Variants in PEBP4 observed in about 807,000 individuals in gnomAD.
The protein encoded by PEBP4 is phosphatidylethanolamine binding protein 4, also known as phosphatidylethanolamine-binding protein 4.
A neutral mutation model predicts 23.9 loss-of-function variants in PEBP4; 22 were observed. The ratio of observed to expected loss-of-function variants is 0.92; its 90% CI spans 0.66 to 1.31. The LOEUF (loss-of-function observed/expected upper bound fraction) is 1.31. Among genes scored for constraint, PEBP4 ranks in the 40% most tolerant of loss-of-function variants. The pLI, the probability that PEBP4 is intolerant of heterozygous loss-of-function variation, is 0.00. For missense variants in PEBP4, 324 were observed against 281.7 expected (o/e 1.15, Z -1.07); for synonymous variants, 112 against 99.3 (o/e 1.13, Z -0.76).
At chr8:22,825,246 T>G (rs1806943610) in intron 3 of PEBP4, among the ~76,000 whole-genome samples, 1 of 152,212 alleles carries the variant, frequency 6.6e-6, no homozygotes, top group Non-Finnish European at 1.5e-5. Context: ...CTCCTTGAAG[T>G]TGGGCCCACC....
intron 6 of PEBP4, among the ~76,000 whole-genome samples, chr8:22,721,970 C>T (rs545088200): frequency 3.9e-4 from 59 of 152,306 alleles, no homozygotes; most frequent in Non-Finnish European, 8.1e-4. Flanking sequence ...ACCTCACTGC[C>T]TCATGTCTCG....
chr8:22,854,485 T>C (rs1056408234), intron 3 of PEBP4, among the ~76,000 whole-genome samples: 3 of 152,082 alleles, frequency 2.0e-5, no homozygotes, highest in Non-Finnish European at 4.4e-5. Context: ...CTGGTGGAAA[T>C]GAATGTAATA....
chr8:22,731,394 C>T (rs868768451), intron 4 of PEBP4, among the ~76,000 whole-genome samples: 3 of 152,184 alleles, frequency 2.0e-5, no homozygotes, highest in Non-Finnish European at 4.4e-5. Context: ...AGTATATTTC[C>T]TCTTCCTTAG....
intron 3 of PEBP4, among the ~76,000 whole-genome samples, chr8:22,903,709 T>C (rs1808753411): frequency 6.6e-6 from 1 of 150,828 alleles, no homozygotes; most frequent in Non-Finnish European, 1.5e-5. Flanking sequence ...AATCAACCCG[T>C]TCTCTACACC....
intron 4 of PEBP4, among the ~76,000 whole-genome samples, chr8:22,758,628 A>G (rs553871325): frequency 1.1e-3 from 167 of 152,160 alleles, no homozygotes; most frequent in African/African-American, 3.9e-3. Flanking sequence ...CCTGCCCCGG[A>G]GTTAGTTTAA....
In PEBP4 at chr8:22,755,326, CTTTTTTTTTTTTT is replaced by C. The variant is rs547269095; in HGVS notation, c.358-28119_358-28107del. 1.8e-4 allele frequency among the ~76,000 whole-genome samples: 21 copies of C among 114,614 alleles called. No individual in the cohort carries two copies. In the East Asian group the frequency reaches 2.4e-3, roughly 13 times the overall value. 75.2% of individuals were successfully genotyped at this position (114,614 alleles called of 152,430 possible). ...AAATCGTATACTCATTTCTCTCCCT[CTTTTTTTTTTTTT>C]TTTTTTTTTTTTTTGAGACGGAGTC... is the stretch of plus-strand genomic sequence containing the variant. On this transcript the variant is annotated intron_variant, in intron 4 of 6. Transcript: ENST00000256404.
intron 3 of PEBP4, among the ~76,000 whole-genome samples, chr8:22,820,786 G>A (rs1806842406): frequency 6.6e-6 from 1 of 152,080 alleles, no homozygotes; most frequent in Non-Finnish European, 1.5e-5. Flanking sequence ...TGACAAAGCT[G>A]AAATGGGTAT....
At chr8:22,790,799 T>C (rs1806122156) in intron 4 of PEBP4, among the ~76,000 whole-genome samples, 1 of 152,158 alleles carries the variant, frequency 6.6e-6, no homozygotes. Flanking sequence ...AAAAGGGCTT[T>C]TTGGCTAATT....
intron 3 of PEBP4, among the ~76,000 whole-genome samples, chr8:22,880,746 C>G (rs955255335): frequency 1.6e-4 from 24 of 152,168 alleles, no homozygotes; most frequent in Non-Finnish European, 3.2e-4. Flanking sequence ...TGTGGAGTGG[C>G]CCAGGTGGAC....
intron 4 of PEBP4, among the ~76,000 whole-genome samples, chr8:22,761,289 C>G (rs763367832): frequency 1.3e-5 from 2 of 152,068 alleles, no homozygotes; most frequent in Non-Finnish European, 2.9e-5. Context: ...TATTCACAGT[C>G]CCCTCTGGGG....
At position 22,847,816 on chromosome 8, in the gene PEBP4, C is replaced by T. The variant is rs1310521407; in HGVS notation, c.259-30081G>A. ...CTTGAGCAACCCTGCTCAACCCCAG[C>T]CCCCAAAATGCTCCAGGAAAGATGC... On this transcript the variant is annotated intron_variant, in intron 3 of 6. Transcript: ENST00000256404. Among the ~76,000 whole-genome samples the T allele has an allele frequency of 2.0e-5, 3 of 152,110 alleles. No homozygotes were observed. The South Asian group carries it at 6.2e-4, about 32-fold the overall frequency.
At chr8:22,920,831 A>T (rs1690868087) in intron 2 of PEBP4, among the ~76,000 whole-genome samples, 1 of 152,230 alleles carries the variant, frequency 6.6e-6, no homozygotes, top group African/African-American at 2.4e-5. Flanking sequence ...AAATCCCACC[A>T]TTAGGTGAAG....
intron 3 of PEBP4, among the ~76,000 whole-genome samples, chr8:22,917,292 C>G (rs943800282): frequency 9.8e-5 from 15 of 152,318 alleles, no homozygotes; most frequent in Admixed American, 7.2e-4. Context: ...GTCCTAAACA[C>G]TCAGGCTCCC....
chr8:22,781,549 G>A (rs1312995527), intron 4 of PEBP4, among the ~76,000 whole-genome samples: 3 of 152,066 alleles, frequency 2.0e-5, no homozygotes, highest in East Asian at 3.9e-4. Context: ...CGTTCCCTAG[G>A]CAACCCAGCA....
chr8:22,921,791 T>G (rs1168273830), intron 2 of PEBP4, among the ~76,000 whole-genome samples: 1 of 152,238 alleles, frequency 6.6e-6, no homozygotes, highest in African/African-American at 2.4e-5. Flanking sequence ...GTGACCAGTT[T>G]TATCTTCCTA....
chr8:22,910,882 C>T (rs896982582), intron 3 of PEBP4, among the ~76,000 whole-genome samples: 1 of 152,162 alleles, frequency 6.6e-6, no homozygotes, highest in East Asian at 1.9e-4. Context: ...TGCCATCACG[C>T]ATTTGTAGAA....
chr8:22,805,689 A>G (rs1045365613), intron 4 of PEBP4, among the ~76,000 whole-genome samples: 71 of 152,216 alleles, frequency 4.7e-4, no homozygotes, highest in African/African-American at 1.6e-3. Flanking sequence ...AGATGTTGAT[A>G]GTGGAGGAGG....
intron 6 of PEBP4, among the ~76,000 whole-genome samples, chr8:22,713,855 C>T (rs1234710902): frequency 6.6e-6 from 1 of 151,020 alleles, no homozygotes; most frequent in Non-Finnish European, 1.5e-5. Flanking sequence ...CTCCCGCTCC[C>T]GGGCAGAAAG....
In PEBP4 at chr8:22,724,856, T is replaced by C; in HGVS notation, c.504A>G (p.Glu168=). 6.2e-7 allele frequency: 1 copy of C among 1,613,582 alleles called. No homozygotes were observed. The highest frequency in any genetic ancestry group is 8.5e-7 in the Non-Finnish European group (1 of 1,179,506). ...GGGAGGTCTTACCTCGAGTTTTGTTTTCCTTGGGAAGGAGAGAGATGACTT... is the reference window on the plus strand; with the variant it reads ...GGGAGGTCTTACCTCGAGTTTTGTTCTCCTTGGGAAGGAGAGAGATGACTT... ...EGKVISLLPK[E]NKTRGSWKMD... is the part of the protein sequence containing the mutation. Residue 168 remains glutamate, a synonymous_variant, in exon 6 of 7, where the codon GAA becomes GAG. Coordinates refer to ENST00000256404, the MANE Select transcript of PEBP4 (RefSeq NM_144962.3).
Sources: allele counts gnomAD v4.1 joint callset (sites outside exome capture counted in the v4.1 genomes callset), GRCh38; gene constraint gnomAD v4.1.1; transcripts MANE v1.5; gene names NCBI Gene and HGNC (gene_info 2026-07-23, HGNC 2026-07-21).